MEGF10: variants seen among roughly 807,000 people sequenced by gnomAD.
MEGF10 encodes the protein multiple epidermal growth factor-like domains protein 10.
MEGF10 carries 86 observed loss-of-function variants against 147.5 expected under a neutral mutation model. The observed-to-expected ratio is 0.58, with a 90% CI of 0.49 to 0.70. The LOEUF (loss-of-function observed/expected upper bound fraction) is 0.70. MEGF10 is among the 30% of genes least tolerant of loss of function. The pLI is 0.00. For synonymous variants in MEGF10, 478 were observed against 525.5 expected (o/e 0.91, Z 1.24); for missense variants, 1,329 against 1,487.3 (o/e 0.89, Z 1.75).
chr5:127,261,483 A>T, the MEGF10 span, among the ~76,000 whole-genome samples: 1 of 152,210 alleles, frequency 6.6e-6, no homozygotes. Flanking sequence ...GCATAGTATC[A>T]ATATACCATG....
chr5:127,311,719 A>G (rs1760294094), intron 1 of MEGF10, among the ~76,000 whole-genome samples: 1 of 152,214 alleles, frequency 6.6e-6, no homozygotes, highest in African/African-American at 2.4e-5. Flanking sequence ...AATGAACTGT[A>G]GTTTAATTAG....
In MEGF10 at chr5:127,434,021, G is replaced by A. The variant is rs369547038; in HGVS notation, c.1840+512G>A. Among the ~76,000 whole-genome samples, 41 of 152,316 alleles carry A rather than the reference G, an allele frequency of 2.7e-4. 1 individual carries two copies. In the East Asian group the frequency reaches 5.4e-3, roughly 20 times the overall value. ...GGTCCTTAAGACTTCTGAGTTAGAA[G>A]ATTAAGTAATCTTTTAGTAAATGCA... is the stretch of plus-strand genomic sequence containing the variant. On this transcript the variant is annotated intron_variant, in intron 14 of 24. Transcript: ENST00000503335.
At chr5:127,319,009 T>G (rs1760681599) in intron 1 of MEGF10, among the ~76,000 whole-genome samples, 1 of 151,988 alleles carries the variant, frequency 6.6e-6, no homozygotes, top group Non-Finnish European at 1.5e-5. Context: ...TTTTCTTTCC[T>G]TCTCTCTTTC....
Position 127,348,435 on chromosome 5 carries a change from A to AT in MEGF10, c.319+7812dup, listed in dbSNP as rs1372406817. On this transcript the variant is annotated intron_variant, in intron 4 of 24. Coordinates refer to ENST00000503335, the MANE Select transcript of MEGF10 (RefSeq NM_001256545.2). Reference sequence around the variant, plus strand: ...TTTTTATATCAAAAATACTTTTTTGATTTTTTTATCTCAAACTACAAAGGC... The same window carrying AT: ...TTTTTATATCAAAAATACTTTTTTGATTTTTTTTATCTCAAACTACAAAGGC... Among the ~76,000 whole-genome samples, 10 of 152,096 alleles carry AT rather than the reference A, an allele frequency of 6.6e-5. No homozygotes were observed. In the South Asian group the frequency reaches 2.1e-3, roughly 32 times the overall value.
intron 1 of MEGF10, among the ~76,000 whole-genome samples, chr5:127,329,914 C>T (rs1348488312): frequency 6.6e-6 from 1 of 152,152 alleles, no homozygotes; most frequent in Non-Finnish European, 1.5e-5. Flanking sequence ...GTGTTACACA[C>T]CCGGGCCTGG....
chr5:127,398,572 T>C (rs915125519), intron 6 of MEGF10, 104 bp from the exon 7 acceptor site: 34 of 1,330,782 alleles, frequency 2.6e-5, no homozygotes, highest in Admixed American at 5.7e-5. Context: ...GAACAATTAT[T>C]GAACACAGAA....
chr5:127,441,364 C>T (rs1357145942), intron 18 of MEGF10, among the ~76,000 whole-genome samples: 1 of 152,202 alleles, frequency 6.6e-6, no homozygotes, highest in Non-Finnish European at 1.5e-5. Context: ...TTTTATACTG[C>T]TTCCATTAAC....
At chr5:127,420,714 T>G (rs189563092) in intron 12 of MEGF10, among the ~76,000 whole-genome samples, 3 of 152,314 alleles carry the variant, frequency 2.0e-5, no homozygotes, top group Admixed American at 1.3e-4. Flanking sequence ...GATGTCCCTA[T>G]AGCTCACTCT....
At chr5:127,416,330 A>G (rs1380437076) in intron 9 of MEGF10, among the ~76,000 whole-genome samples, 1 of 152,098 alleles carries the variant, frequency 6.6e-6, no homozygotes, top group Non-Finnish European at 1.5e-5. Flanking sequence ...GCCTGGCCCA[A>G]GGGCTCAGTT....
the MEGF10 span, among the ~76,000 whole-genome samples, chr5:127,268,264 T>C: frequency 6.6e-6 from 1 of 152,218 alleles, no homozygotes; most frequent in South Asian, 2.1e-4. Flanking sequence ...CTAGTTTGAT[T>C]GCACTGTGGT....
chr5:127,419,035 T>C, intron 10 of MEGF10, 85 bp from the exon 11 acceptor site: 1 of 1,444,736 alleles, frequency 6.9e-7, no homozygotes, highest in Non-Finnish European at 9.3e-7. Context: ...ATAATTAGCA[T>C]TGCCAAGATA....
At chr5:127,272,249 A>G in the MEGF10 span, among the ~76,000 whole-genome samples, 1 of 152,006 alleles carries the variant, frequency 6.6e-6, no homozygotes, top group African/African-American at 2.4e-5. Context: ...TAGGTGTGCC[A>G]TCTTATTTTT....
the MEGF10 span, among the ~76,000 whole-genome samples, chr5:127,265,950 T>A: frequency 1.3e-5 from 2 of 152,244 alleles, no homozygotes; most frequent in African/African-American, 4.8e-5. Context: ...CAATTTTGGC[T>A]TTTGTTGCCA....
At chr5:127,438,599 G>C (rs1765642586) in intron 17 of MEGF10, 32 bp downstream of exon 17, 2 of 1,610,300 alleles carry the variant, frequency 1.2e-6, no homozygotes, top group Non-Finnish European at 1.7e-6. Context: ...GCTCACCAAG[G>C]GGAGCCTTGT....
At position 127,422,791 on chromosome 5, in the gene MEGF10, TA is replaced by T; in HGVS notation, c.1693+21del. 1 of 1,597,848 alleles carries T rather than the reference TA, an allele frequency of 6.3e-7. No individual in the cohort carries two copies. Among genetic ancestry groups the T allele is most frequent in the Non-Finnish European group, 8.6e-7 (1 of 1,166,802 alleles). On this transcript the variant is annotated intron_variant, in intron 13 of 24. Transcript: ENST00000503335. ...TGGTCAGGTGAGAGCCAAGGACCGC[TA>T]ATTGAAAGGTGAAACCCGCCAATTT...
At chr5:127,410,081 A>G (rs928432516) in intron 8 of MEGF10, among the ~76,000 whole-genome samples, 1 of 152,252 alleles carries the variant, frequency 6.6e-6, no homozygotes, top group African/African-American at 2.4e-5. Context: ...AGTGCTATGT[A>G]ACTTTGGCAA....
intron 5 of MEGF10, among the ~76,000 whole-genome samples, chr5:127,386,450 T>G (rs1763438415): frequency 6.6e-6 from 1 of 152,182 alleles, no homozygotes. Flanking sequence ...ATTTCTCCTT[T>G]CATATTTCCG....
At chr5:127,277,638 G>C in the MEGF10 span, among the ~76,000 whole-genome samples, 2 of 152,192 alleles carry the variant, frequency 1.3e-5, no homozygotes, top group African/African-American at 4.8e-5. Context: ...ACTGGGAGTG[G>C]TTGGTGGAGG....
At chr5:127,417,556 C>A in intron 9 of MEGF10, 82 bp from the exon 10 acceptor site, 2 of 1,346,294 alleles carry the variant, frequency 1.5e-6, no homozygotes, top group Non-Finnish European at 2.1e-6. Context: ...ATTTAGTGAT[C>A]ATTGCTAAAG....
Sources: gnomAD v4.1 joint callset for allele counts (sites outside exome capture counted in the v4.1 genomes callset) on GRCh38, gnomAD v4.1.1 for gene constraint, MANE v1.5 for transcripts, NCBI Gene and HGNC (gene_info 2026-07-23, HGNC 2026-07-21) for gene names.